The following SDSL variants were observed in gnomAD, a reference collection of about 807,000 sequenced individuals.
SDSL encodes the protein serine dehydratase like, also known as serine dehydratase-like.
A neutral mutation model predicts 27.6 loss-of-function variants in SDSL; 26 were observed. The observed-to-expected ratio is 0.94, with a 90% CI of 0.69 to 1.31. SDSL has a LOEUF of 1.31. Ranked by LOEUF, SDSL falls within the 50% of genes most tolerant of loss-of-function variation. The pLI, the probability that SDSL is intolerant of heterozygous loss-of-function variation, is 0.00. For synonymous variants in SDSL, 196 were observed against 180.6 expected (o/e 1.09, Z -0.69); for missense variants, 431 against 423.5 (o/e 1.02, Z -0.16).
At chr12:113,429,111 C>T in intron 3 of SDSL, 49 bp from the exon 4 acceptor site, 3 of 1,578,494 alleles carry the variant, frequency 1.9e-6, no homozygotes, top group Non-Finnish European at 2.6e-6. Context: ...GAAGGCATAT[C>T]AAAGGCCAAT....
At position 113,435,616 on chromosome 12, in the gene SDSL, G is replaced by A. The variant is rs192969200; in HGVS notation, c.671+60G>A. On this transcript the variant is annotated intron_variant, in intron 6 of 7. Coordinates refer to ENST00000403593, the MANE Select transcript of SDSL (RefSeq NM_001304993.2). ...AGGGTGGGTGTGCCACTGTCCTAGGGCCTTCCAGTCCCAGCCGGTGGAGAC... is the reference window on the plus strand; with the variant it reads ...AGGGTGGGTGTGCCACTGTCCTAGGACCTTCCAGTCCCAGCCGGTGGAGAC... The A allele has an allele frequency of 3.3e-4, 472 of 1,426,272 alleles. No homozygotes were observed. In the African/African-American group the frequency reaches 5.2e-3, roughly 16 times the overall value. 88.4% of individuals were successfully genotyped at this position (1,426,272 alleles called of 1,614,324 possible). A position where few individuals can be genotyped will look rare whatever the true frequency, so the allele number is the denominator to read the frequency against.
Position 113,428,157 on chromosome 12 carries a change from G to A in SDSL, c.174+1G>A. 1.9e-6 allele frequency: 3 copies of A among 1,606,578 alleles called. No homozygotes were observed. The South Asian group carries it at 3.3e-5, about 18-fold the overall frequency. The stretch of plus-strand genomic sequence containing the variant: ...GGGCATTGGGCATTTCTGCCAGGAG[G>A]TGAGGGTGTGTGGGAAGGAGGGGAG... On this transcript the variant is annotated splice_donor_variant, in intron 2 of 7. Coordinates refer to ENST00000403593, the MANE Select transcript of SDSL (RefSeq NM_001304993.2). LOFTEE classifies it high-confidence loss of function.
chr12:113,426,587 T>G (rs1024118196), intron 1 of SDSL, among the ~76,000 whole-genome samples: 2 of 152,180 alleles, frequency 1.3e-5, no homozygotes, highest in African/African-American at 4.8e-5. Context: ...AGTATAGAAT[T>G]CAATGTGTTT....
At chr12:113,432,260 CTTTCTTTCTTTCT>C (rs1565879113) in intron 4 of SDSL, among the ~76,000 whole-genome samples, 1 of 137,584 alleles carries the variant, frequency 7.3e-6, no homozygotes, top group African/African-American at 2.9e-5. Context: ...TTCTTTCTTT[CTTTCTTTCTTTCT>C]TTCTTTCTTT....
intron 4 of SDSL, 78 bp downstream of exon 4, chr12:113,429,377 C>A: frequency 6.8e-7 from 1 of 1,463,706 alleles, no homozygotes; most frequent in Non-Finnish European, 9.4e-7. Flanking sequence ...GACATCCTGT[C>A]TCCTTTTCCT....
In SDSL at chr12:113,434,864, C is replaced by T. The variant is rs1438312460; in HGVS notation, c.444-465C>T. Among the ~76,000 whole-genome samples the T allele has an allele frequency of 2.6e-5, 4 of 152,214 alleles. No homozygotes were observed. In the East Asian group the frequency reaches 7.7e-4, roughly 29 times the overall value. ...GCGCGGTGGCTCACGCCTGTAATCC[C>T]AGCACTTTGGGAGGCCGAGGCGGGT... On this transcript the variant is annotated intron_variant, in intron 5 of 7. Transcript: ENST00000403593.
chr12:113,434,519 A>G (rs1359844791), intron 5 of SDSL, among the ~76,000 whole-genome samples: 1 of 152,204 alleles, frequency 6.6e-6, no homozygotes, highest in Non-Finnish European at 1.5e-5. Context: ...CTCCTCCTGC[A>G]CTGTTCTATT....
intron 4 of SDSL, among the ~76,000 whole-genome samples, chr12:113,432,892 C>T (rs1316733666): frequency 2.0e-5 from 3 of 152,178 alleles, no homozygotes; most frequent in Non-Finnish European, 4.4e-5. Context: ...TGTATATGCA[C>T]CACATTTTCT....
intron 1 of SDSL, among the ~76,000 whole-genome samples, chr12:113,424,869 G>A (rs1957829604): frequency 6.6e-6 from 1 of 151,998 alleles, no homozygotes. Context: ...CCAAGTAGCT[G>A]GGACTACAGG....
intron 1 of SDSL, among the ~76,000 whole-genome samples, chr12:113,424,722 T>C (rs1318470653): frequency 6.6e-6 from 1 of 151,620 alleles, no homozygotes; most frequent in African/African-American, 2.4e-5. Context: ...AAATGACAGA[T>C]GTTATTCTCT....
At chr12:113,435,974 A>G (rs1957986225) in intron 6 of SDSL, among the ~76,000 whole-genome samples, 1 of 152,026 alleles carries the variant, frequency 6.6e-6, no homozygotes, top group Non-Finnish European at 1.5e-5. Flanking sequence ...TACAAAAATT[A>G]CCTGGGCATG....
intron 4 of SDSL, among the ~76,000 whole-genome samples, chr12:113,432,272 CT>C (rs767802366): frequency 6.2e-5 from 8 of 129,720 alleles, no homozygotes; most frequent in African/African-American, 2.4e-4. Flanking sequence ...TTCTTTCTTT[CT>C]TTCTTTCTTT....
Position 113,429,912 on chromosome 12 carries a change from T to C in SDSL, c.354+613T>C, listed in dbSNP as rs149292944. Among the ~76,000 whole-genome samples the C allele has an allele frequency of 4.6e-5, 7 of 152,096 alleles. No homozygotes were observed. In the East Asian group the frequency reaches 1.4e-3, roughly 29 times the overall value. ...ATAGTTTCTTCCCTTTCTTCTGTCC[T>C]TCCTTCCCTCCCTCTCTTCTTCTTT... On this transcript the variant is annotated intron_variant, in intron 4 of 7. Coordinates refer to ENST00000403593, the MANE Select transcript of SDSL (RefSeq NM_001304993.2).
intron 5 of SDSL, among the ~76,000 whole-genome samples, chr12:113,434,518 C>A (rs1180553688): frequency 1.3e-5 from 2 of 152,230 alleles, no homozygotes; most frequent in Admixed American, 1.3e-4. Flanking sequence ...GCTCCTCCTG[C>A]ACTGTTCTAT....
intron 6 of SDSL, among the ~76,000 whole-genome samples, chr12:113,436,534 C>T (rs1957996344): frequency 6.6e-6 from 1 of 152,180 alleles, no homozygotes; most frequent in South Asian, 2.1e-4. Flanking sequence ...GGTGATCTGC[C>T]CACCTTGGCC....
chr12:113,422,515 AGT>A (rs1233212942), intron 1 of SDSL, 38 bp downstream of exon 1: 3 of 152,472 alleles, frequency 2.0e-5, no homozygotes, highest in East Asian at 1.9e-4. Flanking sequence ...CCTGGGGCTC[AGT>A]GTGTGTGTGA....
chr12:113,438,171 G>A lies in SDSL; in HGVS notation c.*92G>A, dbSNP rs977213272. 30 of 1,150,680 alleles carry A rather than the reference G, an allele frequency of 2.6e-5. No homozygotes were observed. In the African/African-American group the frequency reaches 3.3e-4, roughly 12 times the overall value. The allele number at this position is 1,150,680 out of a possible 1,614,324, so 71.3% of individuals were successfully genotyped here. ...GACTCAGTGCTGGCAGATGGCAGTG[G>A]AAGCTGCCCTGTGCAACTGTGCTGG... is the stretch of plus-strand genomic sequence containing the variant. On this transcript the variant is annotated 3_prime_UTR_variant, in exon 8 of 8. Transcript: ENST00000403593.
Position 113,436,881 on chromosome 12 carries a change from T to A in SDSL, c.796+6T>A, listed in dbSNP as rs1396891221. The A allele has an allele frequency of 3.2e-6, 5 of 1,586,554 alleles. No homozygotes were observed. The East Asian group carries it at 9.0e-5, about 29-fold the overall frequency. The stretch of plus-strand genomic sequence containing the variant: ...CGCTGTGCAGCAGCTCCTGGGTGAG[T>A]GATCCCTGTCCTCCACCTGGGCTCA... On this transcript the variant is annotated splice_donor_region_variant and intron_variant, in intron 7 of 7. Coordinates refer to ENST00000403593, the MANE Select transcript of SDSL (RefSeq NM_001304993.2).
At chr12:113,425,159 G>A (rs1291725858) in intron 1 of SDSL, among the ~76,000 whole-genome samples, 3 of 152,220 alleles carry the variant, frequency 2.0e-5, no homozygotes, top group African/African-American at 7.2e-5. Context: ...CAGCCAGGAA[G>A]TCGGAGCTGG....
Sources: gnomAD v4.1 joint callset for allele counts (sites outside exome capture counted in the v4.1 genomes callset) on GRCh38, gnomAD v4.1.1 for gene constraint, MANE v1.5 for transcripts, NCBI Gene and HGNC (gene_info 2026-07-23, HGNC 2026-07-21) for gene names.